The following ERBB4 variants were observed in gnomAD, a reference collection of about 807,000 sequenced individuals.
ERBB4 encodes the protein erb-b2 receptor tyrosine kinase 4, also known as receptor tyrosine-protein kinase erbB-4.
A neutral mutation model predicts 158.0 loss-of-function variants in ERBB4; 42 were observed. The ratio of observed to expected loss-of-function variants is 0.27; its 90% CI spans 0.21 to 0.34. ERBB4 has a LOEUF of 0.34. Among genes scored for constraint, ERBB4 ranks in the 10% least tolerant of loss-of-function variants. ERBB4 has a pLI of 1.00. For missense variants in ERBB4, 1,333 were observed against 1,624.1 expected (o/e 0.82, Z 3.08); for synonymous variants, 583 against 558.7 (o/e 1.04, Z -0.61).
At chr2:212,521,411 A>G (rs1002291466) in intron 1 of ERBB4, among the ~76,000 whole-genome samples, 1 of 152,052 alleles carries the variant, frequency 6.6e-6, no homozygotes, top group Admixed American at 6.6e-5. Flanking sequence ...CATGTGTACA[A>G]TAATTCTATA....
chr2:211,792,078 G>C (rs1424026942), intron 3 of ERBB4, among the ~76,000 whole-genome samples: 2 of 151,688 alleles, frequency 1.3e-5, no homozygotes, highest in Non-Finnish European at 3.0e-5. Flanking sequence ...ATAATTGTTA[G>C]ATTTAATTGT....
chr2:211,624,377 G>A (rs942481905), intron 17 of ERBB4, among the ~76,000 whole-genome samples: 1 of 151,914 alleles, frequency 6.6e-6, no homozygotes, highest in African/African-American at 2.4e-5. Context: ...AAATATACCT[G>A]GGAAGCCAGG....
intron 3 of ERBB4, among the ~76,000 whole-genome samples, chr2:211,793,895 T>C (rs2076327934): frequency 1.3e-5 from 2 of 151,896 alleles, no homozygotes; most frequent in African/African-American, 2.4e-5. Flanking sequence ...GAAGTTTTTA[T>C]ACAGATGATT....
chr2:212,386,272 A>G (rs1166151885), intron 1 of ERBB4, among the ~76,000 whole-genome samples: 1 of 152,024 alleles, frequency 6.6e-6, no homozygotes, highest in Non-Finnish European at 1.5e-5. Flanking sequence ...TTCAGTTGCC[A>G]TAAGATATTT....
intron 2 of ERBB4, among the ~76,000 whole-genome samples, chr2:212,079,954 T>TG (rs2078386809): frequency 6.6e-6 from 1 of 152,044 alleles, no homozygotes; most frequent in African/African-American, 2.4e-5. Flanking sequence ...GTTCTAAATC[T>TG]TACAGATTTA....
chr2:211,613,778 G>A (rs1209578632), intron 19 of ERBB4, among the ~76,000 whole-genome samples: 1 of 152,000 alleles, frequency 6.6e-6, no homozygotes, highest in Non-Finnish European at 1.5e-5. Flanking sequence ...ACAAATGCTG[G>A]CAAGAATGTG....
At chr2:212,287,437 A>G (rs2086033239) in intron 1 of ERBB4, among the ~76,000 whole-genome samples, 1 of 152,070 alleles carries the variant, frequency 6.6e-6, no homozygotes, top group Non-Finnish European at 1.5e-5. Flanking sequence ...TTGCCTCTCA[A>G]ATATGCTTTT....
intron 1 of ERBB4, among the ~76,000 whole-genome samples, chr2:212,159,248 C>T (rs1575722786): frequency 1.4e-5 from 2 of 142,402 alleles, no homozygotes; most frequent in Non-Finnish European, 3.1e-5. Context: ...GGTAGTAAAC[C>T]GTGGTGTGTG....
chr2:212,520,664 T>C (rs112776638), intron 1 of ERBB4, among the ~76,000 whole-genome samples: 1,747 of 152,078 alleles, frequency 0.011, 15 homozygotes, highest in Middle Eastern at 0.041. Flanking sequence ...AAATGAAGAA[T>C]TCACAGCATC....
chr2:212,408,737 A>G (rs533665612), intron 1 of ERBB4, among the ~76,000 whole-genome samples: 21 of 152,326 alleles, frequency 1.4e-4, no homozygotes, highest in African/African-American at 4.8e-4. Flanking sequence ...GGGCTGAGTC[A>G]TGAATATTAG....
intron 20 of ERBB4, among the ~76,000 whole-genome samples, chr2:211,513,362 A>G (rs2065933501): frequency 1.7e-5 from 2 of 120,902 alleles, no homozygotes; most frequent in Admixed American, 1.6e-4. Context: ...CGTCTCAAAA[A>G]AAAAAAAAAA....
chr2:211,991,119 G>A (rs937558891), intron 2 of ERBB4, among the ~76,000 whole-genome samples: 3 of 151,968 alleles, frequency 2.0e-5, no homozygotes, highest in African/African-American at 7.2e-5. Context: ...GGCTTTTGTT[G>A]TGGATTTCAT....
intron 1 of ERBB4, among the ~76,000 whole-genome samples, chr2:212,502,122 G>A (rs1289181687): frequency 6.6e-6 from 1 of 151,826 alleles, no homozygotes; most frequent in African/African-American, 2.4e-5. Context: ...ATAAATCCCA[G>A]GACATTAAAG....
rs181291153 is a variant in ERBB4, at chr2:212,513,559, T to A, written c.82+24890A>T. ...CTGGCGTGGTGGCTCACGCCTATAA[T>A]CCCAGCACTTTGGGAGGCCGAGGCG... On this transcript the variant is annotated intron_variant, in intron 1 of 27. Coordinates refer to ENST00000342788, the MANE Select transcript of ERBB4 (RefSeq NM_005235.3). Among the ~76,000 whole-genome samples the A allele has an allele frequency of 3.8e-3, 575 of 152,292 alleles. 5 individuals carry two copies. The highest frequency in any genetic ancestry group is 0.013 in the African/African-American group (544 of 41,572).
intron 1 of ERBB4, among the ~76,000 whole-genome samples, chr2:212,468,339 T>C (rs1688944513): frequency 6.6e-6 from 1 of 152,192 alleles, no homozygotes; most frequent in Non-Finnish European, 1.5e-5. Flanking sequence ...AATCTCATTT[T>C]GTACCTCCCA....
chr2:212,446,609 A>ATATG (rs2092359204), intron 1 of ERBB4, among the ~76,000 whole-genome samples: 1 of 45,520 alleles, frequency 2.2e-5, no homozygotes, highest in Admixed American at 2.3e-4. Context: ...ATATATATAT[A>ATATG]TATATATATA....
chr2:211,862,008 C>A (rs1468740400), intron 3 of ERBB4, among the ~76,000 whole-genome samples: 1 of 152,008 alleles, frequency 6.6e-6, no homozygotes, highest in Non-Finnish European at 1.5e-5. Flanking sequence ...ATTTTAAATT[C>A]TTTAAAGTTG....
In ERBB4 at chr2:211,521,890, C is replaced by T. The variant is rs541273561; in HGVS notation, c.2487+40013G>A. Among the ~76,000 whole-genome samples, 6 of 152,188 alleles carry T rather than the reference C, an allele frequency of 3.9e-5. No homozygotes were observed. In the South Asian group the frequency reaches 1.2e-3, roughly 32 times the overall value. ...GCATGGTTTGCGAAATAGTTTAAGC[C>T]CACTGTTAAGATCTACTGCTCAGAA... is the stretch of plus-strand genomic sequence containing the variant. On this transcript the variant is annotated intron_variant, in intron 20 of 27. Transcript: ENST00000342788.
chr2:212,262,043 T>C (rs1351098930), intron 1 of ERBB4, among the ~76,000 whole-genome samples: 2 of 152,160 alleles, frequency 1.3e-5, no homozygotes, highest in Non-Finnish European at 2.9e-5. Context: ...AGAAATATCA[T>C]AGTTTAAATT....
Sources: gnomAD v4.1 joint callset for allele counts (sites outside exome capture counted in the v4.1 genomes callset) on GRCh38, gnomAD v4.1.1 for gene constraint, MANE v1.5 for transcripts, NCBI Gene and HGNC (gene_info 2026-07-23, HGNC 2026-07-21) for gene names.